Variants in AGFG1 observed in about 807,000 individuals in gnomAD.
The protein encoded by AGFG1 is ArfGAP with FG repeats 1.
AGFG1 carries 10 observed loss-of-function variants against 60.6 expected under a neutral mutation model. That is an observed-to-expected ratio of 0.16 (90% CI 0.10 to 0.28). The LOEUF (loss-of-function observed/expected upper bound fraction) is 0.28, where lower values mean the gene tolerates loss of function less well. Ranked by LOEUF, AGFG1 falls within the 10% of genes least tolerant of loss-of-function variation. The probability of loss-of-function intolerance (pLI) is 1.00; values close to 1 mark genes in which losing one functional copy is unlikely to be tolerated. For missense variants in AGFG1, 537 were observed against 676.5 expected (o/e 0.79, Z 2.29); for synonymous variants, 247 against 242.9 (o/e 1.02, Z -0.16).
chr2:227,509,080 A>G (rs1040509000), intron 2 of AGFG1, among the ~76,000 whole-genome samples: 7 of 152,192 alleles, frequency 4.6e-5, no homozygotes, highest in Non-Finnish European at 8.8e-5. Flanking sequence ...CTACCTGCAA[A>G]ATGTTTATTA....
intron 1 of AGFG1, among the ~76,000 whole-genome samples, chr2:227,482,584 A>G (rs1690501632): frequency 6.6e-6 from 1 of 152,196 alleles, no homozygotes; most frequent in African/African-American, 2.4e-5. Flanking sequence ...TGCCAGTATT[A>G]TTGGCAACTA....
intron 4 of AGFG1, among the ~76,000 whole-genome samples, chr2:227,524,160 G>A (rs1384955701): frequency 1.3e-5 from 2 of 148,784 alleles, no homozygotes; most frequent in East Asian, 3.8e-4. Context: ...GTAAAGGTGA[G>A]TTATACAGGA....
At chr2:227,505,119 A>T (rs1691271084) in intron 2 of AGFG1, among the ~76,000 whole-genome samples, 1 of 152,130 alleles carries the variant, frequency 6.6e-6, no homozygotes, top group South Asian at 2.1e-4. Flanking sequence ...TTATATAATT[A>T]TTATGTCTTC....
At chr2:227,507,559 C>T (rs532999703) in intron 2 of AGFG1, among the ~76,000 whole-genome samples, 247 of 135,708 alleles carry the variant, frequency 1.8e-3, no homozygotes, top group Non-Finnish European at 3.1e-3. Context: ...GCCGAGATGG[C>T]GCCACTGCAC....
chr2:227,502,842 A>G (rs1691199366), intron 2 of AGFG1, among the ~76,000 whole-genome samples: 1 of 152,118 alleles, frequency 6.6e-6, no homozygotes, highest in African/African-American at 2.4e-5. Flanking sequence ...TGTGATAGGG[A>G]TTGAGTTTCA....
chr2:227,510,371 C>T (rs1319721494), intron 2 of AGFG1, among the ~76,000 whole-genome samples: 3 of 152,136 alleles, frequency 2.0e-5, no homozygotes, highest in East Asian at 3.9e-4. Flanking sequence ...TTAAGGTTCA[C>T]AGAGGCTGTA....
At chr2:227,489,737 C>T (rs984893858) in intron 1 of AGFG1, among the ~76,000 whole-genome samples, 4 of 151,856 alleles carry the variant, frequency 2.6e-5, no homozygotes, top group African/African-American at 9.7e-5. Context: ...TGAAAGATGA[C>T]ATTTATCTGT....
chr2:227,552,663 TTC>T (rs1692853740), intron 11 of AGFG1, among the ~76,000 whole-genome samples: 1 of 151,632 alleles, frequency 6.6e-6, no homozygotes, highest in Non-Finnish European at 1.5e-5. Context: ...ACTATGTGGT[TTC>T]TTTTTTCTTT....
intron 10 of AGFG1, 128 bp downstream of exon 10, chr2:227,537,121 T>G (rs1692337664): frequency 1.4e-6 from 1 of 715,028 alleles, no homozygotes; most frequent in East Asian, 2.6e-5. Flanking sequence ...TAGAAGAGTT[T>G]GTCCATAAAG....
chr2:227,484,546 T>C (rs1034092522), intron 1 of AGFG1, among the ~76,000 whole-genome samples: 1 of 152,152 alleles, frequency 6.6e-6, no homozygotes, highest in African/African-American at 2.4e-5. Context: ...TGGATGTTAC[T>C]GTAATAAGAT....
At chr2:227,549,143 A>G (rs1692743781) in intron 10 of AGFG1, among the ~76,000 whole-genome samples, 1 of 152,160 alleles carries the variant, frequency 6.6e-6, no homozygotes, top group Non-Finnish European at 1.5e-5. Flanking sequence ...TGTGAAGTAT[A>G]GATACTATTG....
chr2:227,520,076 T>C lies in AGFG1; in HGVS notation c.377+13T>C. On this transcript the variant is annotated intron_variant, in intron 3 of 12. Coordinates refer to ENST00000310078, the MANE Select transcript of AGFG1 (RefSeq NM_004504.5). ...AAAAGAAAAGATGGTGAGTGAAGAG[T>C]TTGTATGTAGAATAAAGCCTCCCCA... 2 of 1,496,210 alleles carry C rather than the reference T, an allele frequency of 1.3e-6. No homozygotes were observed. Among genetic ancestry groups the C allele is most frequent in the Non-Finnish European group, 1.8e-6 (2 of 1,098,720 alleles). The allele number at this position is 1,496,210 out of a possible 1,614,324, so 92.7% of individuals were successfully genotyped here. A position where few individuals can be genotyped will look rare whatever the true frequency, so the allele number is the denominator to read the frequency against.
intron 1 of AGFG1, among the ~76,000 whole-genome samples, chr2:227,485,692 A>C (rs1022825428): frequency 6.6e-6 from 1 of 152,018 alleles, no homozygotes; most frequent in African/African-American, 2.4e-5. Flanking sequence ...AGTTATGTCT[A>C]ATCTGCTCTC....
At chr2:227,472,665 C>T in intron 1 of AGFG1, 77 bp downstream of exon 1, 1 of 1,459,512 alleles carries the variant, frequency 6.9e-7, no homozygotes, top group Non-Finnish European at 9.1e-7. Context: ...CGGGACCCTT[C>T]CGGGGCTGGG....
intron 2 of AGFG1, among the ~76,000 whole-genome samples, chr2:227,509,771 G>A (rs991077730): frequency 6.6e-6 from 1 of 151,954 alleles, no homozygotes; most frequent in Admixed American, 6.6e-5. Flanking sequence ...TACATGGTGG[G>A]GGTGGGTAAC....
chr2:227,502,956 G>C (rs1268174155), intron 2 of AGFG1, among the ~76,000 whole-genome samples: 9 of 152,090 alleles, frequency 5.9e-5, no homozygotes, highest in African/African-American at 1.9e-4. Flanking sequence ...GACCAGGCAG[G>C]GCATGGTGGT....
intron 2 of AGFG1, chr2:227,510,669 A>C (rs997750324): frequency 6.6e-6 from 1 of 152,138 alleles, no homozygotes; most frequent in African/African-American, 2.4e-5. Context: ...TGCTGTCTGC[A>C]AATCTGTTTT....
At chr2:227,483,420 T>A (rs139993764) in intron 1 of AGFG1, among the ~76,000 whole-genome samples, 1,874 of 152,308 alleles carry the variant, frequency 0.012, 30 homozygotes, top group Non-Finnish European at 0.014. Flanking sequence ...AACATATGTA[T>A]AGATTCATAT....
In AGFG1 at chr2:227,560,884, A is replaced by G. The variant is rs1187611647; in HGVS notation, c.*6389A>G. 1.3e-5 allele frequency: 2 copies of G among 152,170 alleles called. No homozygotes were observed. The highest frequency in any genetic ancestry group is 2.9e-5 in the Non-Finnish European group (2 of 68,010). The allele number at this position is 152,170 out of a possible 1,614,324, so 9.4% of individuals were successfully genotyped here. A position where few individuals can be genotyped will look rare whatever the true frequency, so the allele number is the denominator to read the frequency against. Reference sequence around the variant, plus strand: ...CTGCAAAAGTTTATTTTCAATGAAGAATACTTGTCCTAATAGCTCATAAAA... The same window carrying G: ...CTGCAAAAGTTTATTTTCAATGAAGGATACTTGTCCTAATAGCTCATAAAA... On this transcript the variant is annotated 3_prime_UTR_variant, in exon 13 of 13. Transcript: ENST00000310078.
Sources: allele counts gnomAD v4.1 joint callset (sites outside exome capture counted in the v4.1 genomes callset), GRCh38; gene constraint gnomAD v4.1.1; transcripts MANE v1.5; gene names NCBI Gene and HGNC (gene_info 2026-07-23, HGNC 2026-07-21).